TAFA4: variants seen among roughly 807,000 people sequenced by gnomAD.
TAFA4 encodes TAFA chemokine like family member 4.
Under a neutral mutation model 21.1 loss-of-function variants are expected in TAFA4, and 20 were observed. That is an observed-to-expected ratio of 0.95 (90% confidence interval 0.67 to 1.38). The LOEUF is 1.38. Among genes scored for constraint, TAFA4 ranks in the 40% most tolerant of loss-of-function variants. The pLI is 0.00. For missense variants in TAFA4, 211 were observed against 180.9 expected (o/e 1.17, Z -0.95); for synonymous variants, 71 against 67.4 (o/e 1.05, Z -0.26).
intron 3 of TAFA4, among the ~76,000 whole-genome samples, chr3:68,775,222 C>G (rs1033870557): frequency 3.3e-5 from 5 of 152,158 alleles, no homozygotes; most frequent in Non-Finnish European, 7.3e-5. Context: ...CACTCTTTTC[C>G]AATTTCCTCC....
At chr3:68,784,350 C>G (rs980678667) in intron 3 of TAFA4, among the ~76,000 whole-genome samples, 1 of 152,228 alleles carries the variant, frequency 6.6e-6, no homozygotes, top group Admixed American at 6.5e-5. Context: ...GTGAGTGTTA[C>G]AGCTCTTAAG....
At chr3:68,901,262 C>T (rs769669364) in intron 1 of TAFA4, among the ~76,000 whole-genome samples, 9 of 152,024 alleles carry the variant, frequency 5.9e-5, no homozygotes, top group Admixed American at 6.6e-5. Context: ...CTTTCCTTGG[C>T]CTGCCTTTGT....
intron 3 of TAFA4, among the ~76,000 whole-genome samples, chr3:68,809,776 T>C (rs1008962170): frequency 5.9e-5 from 9 of 152,216 alleles, no homozygotes; most frequent in African/African-American, 2.2e-4. Context: ...TGCATGTGGA[T>C]ACCCAGTTCT....
chr3:68,826,481 G>A (rs1042016826), intron 3 of TAFA4, among the ~76,000 whole-genome samples: 4 of 151,612 alleles, frequency 2.6e-5, no homozygotes, highest in African/African-American at 9.7e-5. Flanking sequence ...GCTGAGGCAG[G>A]AGAATGGCGT....
intron 3 of TAFA4, among the ~76,000 whole-genome samples, chr3:68,861,313 G>A (rs55813403): frequency 0.078 from 11,839 of 151,744 alleles, 659 homozygotes; most frequent in Admixed American, 0.16. Context: ...AACTAACTTG[G>A]AAAAACCTTC....
At chr3:68,890,714 T>C (rs2089721598) in intron 1 of TAFA4, among the ~76,000 whole-genome samples, 1 of 152,196 alleles carries the variant, frequency 6.6e-6, no homozygotes, top group African/African-American at 2.4e-5. Flanking sequence ...CAGTTTCAGT[T>C]CTAGTAAAAG....
chr3:68,901,791 G>C (rs1214360387), intron 1 of TAFA4, among the ~76,000 whole-genome samples: 2 of 152,158 alleles, frequency 1.3e-5, no homozygotes, highest in African/African-American at 4.8e-5. Context: ...AAACACAGTG[G>C]AACACACTGG....
chr3:68,823,130 TG>T (rs1393234107), intron 3 of TAFA4, among the ~76,000 whole-genome samples: 1 of 152,190 alleles, frequency 6.6e-6, no homozygotes, highest in African/African-American at 2.4e-5. Context: ...ACAATGCCCC[TG>T]CCCAGGATTC....
chr3:68,805,400 T>A lies in TAFA4; in HGVS notation c.131-52382A>T, dbSNP rs567315076. Among the ~76,000 whole-genome samples, 13 of 152,338 alleles carry A rather than the reference T, an allele frequency of 8.5e-5. No individual in the cohort carries two copies. The South Asian group carries it at 2.7e-3, about 32-fold the overall frequency. ...CCATTGTGGAAGTCACTGTGGTGAT[T>A]CCTCAAGGATCTAGAACTAGAAATA... On this transcript the variant is annotated intron_variant, in intron 3 of 5. Transcript: ENST00000295569.
chr3:68,868,948 A>C (rs905768644), intron 3 of TAFA4, among the ~76,000 whole-genome samples: 18 of 152,004 alleles, frequency 1.2e-4, no homozygotes, highest in African/African-American at 4.3e-4. Context: ...GTTTTTTTGC[A>C]GAGATAAAAA....
Position 68,752,937 on chromosome 3 carries a change from G to A in TAFA4, c.212C>T (p.Ser71Leu), listed in dbSNP as rs1363615053. The A allele has an allele frequency of 6.2e-7, 1 of 1,613,980 alleles. No homozygotes were observed. The highest frequency in any genetic ancestry group is 8.5e-7 in the Non-Finnish European group (1 of 1,180,030). ...CCNKNRIEER[S>L]QTVKCSCFPG... Reference sequence around the variant, plus strand: ...GAAGCAAGAGCACTTGACCGTTTGTGACCGCTCTTCTATGCGGTTCTTATT... The same window carrying A: ...GAAGCAAGAGCACTTGACCGTTTGTAACCGCTCTTCTATGCGGTTCTTATT... The change falls in exon 4 of 6, where the codon TCA (serine) becomes TTA (leucine). Residue 71 changes from serine to leucine, a missense_variant. Ser to Leu is a moderately radical substitution (Grantham distance 145). Coordinates refer to ENST00000295569, the MANE Select transcript of TAFA4 (RefSeq NM_182522.5).
At chr3:68,927,438 G>A (rs985676048) in intron 1 of TAFA4, among the ~76,000 whole-genome samples, 4 of 152,168 alleles carry the variant, frequency 2.6e-5, no homozygotes, top group Non-Finnish European at 5.9e-5. Context: ...TCTAGCTTTT[G>A]ACAGCTCCGC....
chr3:68,791,390 G>A (rs2106813416), intron 3 of TAFA4, among the ~76,000 whole-genome samples: 1 of 152,268 alleles, frequency 6.6e-6, no homozygotes, highest in Admixed American at 6.5e-5. Flanking sequence ...GCCAAGGAAT[G>A]CCTGGGGCTA....
chr3:68,862,542 T>C (rs1050363546), intron 3 of TAFA4, among the ~76,000 whole-genome samples: 1 of 152,126 alleles, frequency 6.6e-6, no homozygotes, highest in African/African-American at 2.4e-5. Flanking sequence ...TAACATGGGA[T>C]AGTCATCGAC....
At chr3:68,781,064 TA>T (rs1212726087) in intron 3 of TAFA4, among the ~76,000 whole-genome samples, 1 of 151,988 alleles carries the variant, frequency 6.6e-6, no homozygotes, top group Non-Finnish European at 1.5e-5. Context: ...GGAGAAATCA[TA>T]AAAGTATTTT....
intron 3 of TAFA4, among the ~76,000 whole-genome samples, chr3:68,865,003 G>A (rs552334152): frequency 6.6e-6 from 1 of 152,070 alleles, no homozygotes; most frequent in Admixed American, 6.6e-5. Flanking sequence ...GGAAACTTTT[G>A]GGGTGAAGGG....
At chr3:68,767,501 CA>C (rs1193402428) in intron 3 of TAFA4, among the ~76,000 whole-genome samples, 3 of 151,776 alleles carry the variant, frequency 2.0e-5, no homozygotes, top group Non-Finnish European at 4.4e-5. Flanking sequence ...TATATATTAA[CA>C]AGAGGTTATA....
Position 68,739,092 on chromosome 3 carries a change from T to C in TAFA4, c.394A>G (p.Lys132Glu), listed in dbSNP as rs1559754236. 2.5e-6 allele frequency: 4 copies of C among 1,613,884 alleles called. No individual in the cohort carries two copies. The highest frequency in any genetic ancestry group is 3.4e-6 in the Non-Finnish European group (4 of 1,179,826). ...ATACTTGCCTTCGTAGTTTTGACTT[T>C]ATTGCCACTGCTACAGGACCAACCT... Reference protein sequence around the residue: ...YSGWSCSSGNKVKTTKVTR With the variant: ...YSGWSCSSGNEVKTTKVTR The change falls in exon 5 of 6, where the codon AAA becomes GAA. Residue 132 changes from lysine to glutamate, a missense_variant. Lys to Glu is a moderately conservative substitution (Grantham distance 56, BLOSUM62 1). Transcript: ENST00000295569.
intron 4 of TAFA4, among the ~76,000 whole-genome samples, chr3:68,744,471 ACT>A (rs770401226): frequency 2.0e-5 from 3 of 152,222 alleles, no homozygotes; most frequent in Non-Finnish European, 2.9e-5. Flanking sequence ...AGAAGAACAA[ACT>A]CTAAAACAGA....
Sources: allele counts gnomAD v4.1 joint callset (sites outside exome capture counted in the v4.1 genomes callset), GRCh38; gene constraint gnomAD v4.1.1; transcripts MANE v1.5; gene names NCBI Gene and HGNC (gene_info 2026-07-23, HGNC 2026-07-21).